The following DMD variants were observed in gnomAD, a reference collection of about 807,000 sequenced individuals.
DMD encodes mutant dystrophin.
DMD carries 63 observed loss-of-function variants against 330.1 expected under a neutral mutation model. The observed-to-expected ratio is 0.19, with a 90% CI of 0.16 to 0.24. The LOEUF (loss-of-function observed/expected upper bound fraction) is 0.24, where lower values mean the gene tolerates loss of function less well. Among genes scored for constraint, DMD ranks in the 10% least tolerant of loss-of-function variants. DMD has a pLI of 1.00. For synonymous variants in DMD, 1,223 were observed against 959.8 expected, an observed-to-expected ratio of 1.27 and a Z score of -5.07; for missense variants, 3,344 against 2,684.1, an observed-to-expected ratio of 1.25 and a Z score of -5.43.
intron 44 of DMD, among the ~76,000 whole-genome samples, chrX:32,039,682 G>C (rs923479751): frequency 2.7e-5 from 3 of 111,923 alleles, no homozygotes; most frequent in Non-Finnish European, 5.6e-5. Flanking sequence ...GTTAACTAAA[G>C]TAATGATTTC....
At chrX:31,396,897 G>A (rs1198665625) in intron 60 of DMD, among the ~76,000 whole-genome samples, 1 of 111,563 alleles carries the variant, frequency 9.0e-6, no homozygotes, top group Non-Finnish European at 1.9e-5. Flanking sequence ...TGAGAGTTTT[G>A]GAGTGAGTGA....
At chrX:33,088,355 A>G (rs1337650148) in intron 1 of DMD, among the ~76,000 whole-genome samples, 1 of 111,967 alleles carries the variant, frequency 8.9e-6, no homozygotes, top group East Asian at 2.8e-4. Flanking sequence ...TTGACTAAAT[A>G]TATTTTAATT....
intron 21 of DMD, among the ~76,000 whole-genome samples, chrX:32,483,820 C>CAAAAAAAAAAA (rs770119472): frequency 5.7e-4 from 21 of 37,136 alleles, no homozygotes; most frequent in Admixed American, 1.3e-3. Context: ...CTCTGAAGTA[C>CAAAAAAAAAAA]AAAAAAAAAA....
chrX:31,508,666 A>T (rs2071186873), intron 55 of DMD, among the ~76,000 whole-genome samples: 1 of 111,875 alleles, frequency 8.9e-6, no homozygotes, highest in South Asian at 3.7e-4. Flanking sequence ...CAATGAATGG[A>T]GGCTTTGTAT....
chrX:32,379,552 C>G (rs2097916651), intron 34 of DMD, among the ~76,000 whole-genome samples: 1 of 111,309 alleles, frequency 9.0e-6, no homozygotes, highest in East Asian at 2.8e-4. Context: ...TACATTTATT[C>G]TGAAAGAGAA....
intron 1 of DMD, among the ~76,000 whole-genome samples, chrX:33,040,940 G>A (rs2094289138): frequency 8.9e-6 from 1 of 111,858 alleles, no homozygotes; most frequent in Admixed American, 9.5e-5. Context: ...ATAAGATAAG[G>A]AATAGATTCA....
At chrX:31,568,016 C>A (rs887632950) in intron 55 of DMD, among the ~76,000 whole-genome samples, 4 of 111,544 alleles carry the variant, frequency 3.6e-5, no homozygotes, top group African/African-American at 1.3e-4. Context: ...TTTTTCTTTG[C>A]AACCTCCTCC....
At chrX:32,837,179 C>A (rs1438976506) in intron 4 of DMD, among the ~76,000 whole-genome samples, 3 of 112,021 alleles carry the variant, frequency 2.7e-5, no homozygotes, top group Non-Finnish European at 5.6e-5. Flanking sequence ...AGAAACAAAA[C>A]AGAACTAGAT....
At chrX:32,325,597 C>T (rs184523972) in intron 41 of DMD, among the ~76,000 whole-genome samples, 1 of 111,298 alleles carries the variant, frequency 9.0e-6, no homozygotes, top group Non-Finnish European at 1.9e-5. Flanking sequence ...CACCTAAAAC[C>T]ATATTGGTGC....
At chrX:32,129,978 CTTTTTTTT>C (rs756669672) in intron 44 of DMD, among the ~76,000 whole-genome samples, 1 of 89,580 alleles carries the variant, frequency 1.1e-5, no homozygotes, top group Non-Finnish European at 2.3e-5. Flanking sequence ...TTTTCAAAGA[CTTTTTTTT>C]TTTTTTTTTG....
At chrX:32,878,380 AAAT>A (rs199637086) in intron 2 of DMD, among the ~76,000 whole-genome samples, 1 of 111,644 alleles carries the variant, frequency 9.0e-6, no homozygotes, top group African/African-American at 3.3e-5. Context: ...TACGTCTCAA[AAAT>A]AATAAAAATA....
At chrX:32,138,069 C>T (rs1176346124) in intron 44 of DMD, among the ~76,000 whole-genome samples, 2 of 108,852 alleles carry the variant, frequency 1.8e-5, no homozygotes, top group Admixed American at 9.9e-5. Context: ...TCTAGTCTTC[C>T]CAAGGTCGCC....
At chrX:32,441,156 C>G in intron 28 of DMD, 24 bp downstream of exon 28, 2 of 1,202,642 alleles carry the variant, frequency 1.7e-6, no homozygotes, top group Non-Finnish European at 2.3e-6. Flanking sequence ...AAATTATCAT[C>G]ATTTGGCTTA....
intron 44 of DMD, among the ~76,000 whole-genome samples, chrX:32,020,504 C>A (rs888941975): frequency 1.8e-5 from 2 of 111,797 alleles, no homozygotes; most frequent in Non-Finnish European, 3.8e-5. Flanking sequence ...TAAATGAGTT[C>A]ATATGGGTAG....
intron 44 of DMD, among the ~76,000 whole-genome samples, chrX:32,093,716 T>C (rs1482573557): frequency 9.0e-6 from 1 of 111,318 alleles, no homozygotes; most frequent in Non-Finnish European, 1.9e-5. Context: ...CTTTGATTCC[T>C]CTATTTCAGT....
intron 44 of DMD, among the ~76,000 whole-genome samples, chrX:32,150,312 C>T (rs1490932036): frequency 1.8e-5 from 2 of 112,342 alleles, no homozygotes; most frequent in Non-Finnish European, 3.8e-5. Context: ...CTGGCACTCT[C>T]TTGTTGTGAG....
At chrX:32,800,716 C>A (rs1416958375) in intron 7 of DMD, among the ~76,000 whole-genome samples, 1 of 110,276 alleles carries the variant, frequency 9.1e-6, no homozygotes, top group Non-Finnish European at 1.9e-5. Flanking sequence ...CCCACACACC[C>A]CAAAAGGCCC....
intron 19 of DMD, among the ~76,000 whole-genome samples, chrX:32,492,998 C>G (rs1378637338): frequency 9.0e-6 from 1 of 111,331 alleles, no homozygotes; most frequent in Non-Finnish European, 1.9e-5. Flanking sequence ...GTTCATTTTA[C>G]TTAATTTTCT....
In DMD at chrX:32,528,375, C is replaced by A. The variant is rs1009265387; in HGVS notation, c.2169-10244G>T. On this transcript the variant is annotated intron_variant, in intron 17 of 78. Transcript: ENST00000357033. Reference sequence around the variant, plus strand: ...AATCAGGCACCACAGGTTTTAATCCCTAATTTTTATCTTTCTGGTATTTTC... The same window carrying A: ...AATCAGGCACCACAGGTTTTAATCCATAATTTTTATCTTTCTGGTATTTTC... Among the ~76,000 whole-genome samples the A allele has an allele frequency of 4.5e-5, 5 of 112,037 alleles. No homozygotes were observed. In the East Asian group the frequency reaches 1.1e-3, roughly 25 times the overall value.
Sources: gnomAD v4.1 joint callset for allele counts (sites outside exome capture counted in the v4.1 genomes callset) on GRCh38, gnomAD v4.1.1 for gene constraint, MANE v1.5 for transcripts, NCBI Gene and HGNC (gene_info 2026-07-23, HGNC 2026-07-21) for gene names.